The following GPC5 variants were observed in gnomAD, a reference collection of about 807,000 sequenced individuals.
GPC5 encodes the protein glypican 5.
GPC5 carries 47 observed loss-of-function variants against 53.9 expected under a neutral mutation model. That is an observed-to-expected ratio of 0.87 (90% CI 0.69 to 1.11). The LOEUF (loss-of-function observed/expected upper bound fraction) is 1.11. Ranked by LOEUF, GPC5 falls within the 50% of genes most tolerant of loss-of-function variation. The probability of loss-of-function intolerance (pLI) is 0.00; values close to 1 mark genes in which losing one functional copy is unlikely to be tolerated. For missense variants in GPC5, 748 were observed against 713.1 expected, an observed-to-expected ratio of 1.05 and a Z score of -0.56; for synonymous variants, 286 against 263.3, an observed-to-expected ratio of 1.09 and a Z score of -0.84.
chr13:92,817,200 A>G (rs1437049042), intron 7 of GPC5, among the ~76,000 whole-genome samples: 4 of 152,160 alleles, frequency 2.6e-5, no homozygotes, highest in African/African-American at 7.2e-5. Context: ...CTTCCCACAC[A>G]TACACAAACT....
intron 7 of GPC5, among the ~76,000 whole-genome samples, chr13:92,425,650 CCTT>C (rs1399173441): frequency 7.2e-5 from 11 of 152,138 alleles, no homozygotes; most frequent in Admixed American, 6.5e-4. Context: ...CTTTGGGCTT[CCTT>C]CTTTTGGTTA....
At chr13:91,831,241 AG>A (rs1284650396) in intron 5 of GPC5, among the ~76,000 whole-genome samples, 1 of 151,270 alleles carries the variant, frequency 6.6e-6, no homozygotes, top group African/African-American at 2.4e-5. Flanking sequence ...CTGATGTTGG[AG>A]GGCAGGAAGC....
intron 7 of GPC5, among the ~76,000 whole-genome samples, chr13:92,605,816 C>T (rs1884238110): frequency 6.6e-6 from 1 of 150,938 alleles, no homozygotes; most frequent in Non-Finnish European, 1.5e-5. Context: ...AAAAAGTTTG[C>T]CTGGATTTTT....
chr13:92,382,957 C>A (rs1425208596), intron 7 of GPC5, among the ~76,000 whole-genome samples: 2 of 139,864 alleles, frequency 1.4e-5, no homozygotes, highest in African/African-American at 5.4e-5. Context: ...GAGCCGAGAT[C>A]GTGCCACTGC....
intron 6 of GPC5, among the ~76,000 whole-genome samples, chr13:92,108,256 G>GTAA (rs1184101267): frequency 1.3e-5 from 2 of 152,120 alleles, no homozygotes; most frequent in Non-Finnish European, 2.9e-5. Context: ...TGCGTGATGG[G>GTAA]TAATAAAAGG....
chr13:92,500,660 C>G (rs1396399415), intron 7 of GPC5, among the ~76,000 whole-genome samples: 1 of 152,130 alleles, frequency 6.6e-6, no homozygotes, highest in Non-Finnish European at 1.5e-5. Context: ...CTACAGGTAG[C>G]AGTAGTAGCA....
At chr13:92,230,754 G>A (rs758681436) in intron 7 of GPC5, among the ~76,000 whole-genome samples, 8 of 152,152 alleles carry the variant, frequency 5.3e-5, no homozygotes, top group African/African-American at 1.9e-4. Context: ...AGCAGGGCCT[G>A]TTTTAATTAC....
intron 2 of GPC5, among the ~76,000 whole-genome samples, chr13:91,581,261 T>C (rs763692859): frequency 6.6e-5 from 10 of 152,286 alleles, no homozygotes; most frequent in Middle Eastern, 3.4e-3. Context: ...CTGTGTACTC[T>C]AAAAAGTGTA....
At chr13:92,857,423 C>T (rs947529381) in intron 7 of GPC5, among the ~76,000 whole-genome samples, 1 of 152,038 alleles carries the variant, frequency 6.6e-6, no homozygotes, top group African/African-American at 2.4e-5. Context: ...AAATTTATGA[C>T]CAAGTCCTTA....
At chr13:91,408,919 A>G (rs1223373828) in intron 1 of GPC5, among the ~76,000 whole-genome samples, 1 of 152,108 alleles carries the variant, frequency 6.6e-6, no homozygotes, top group Non-Finnish European at 1.5e-5. Flanking sequence ...TTTCTTCAAT[A>G]TTTGCCTTGG....
chr13:92,497,469 G>A (rs1381400132), intron 7 of GPC5, among the ~76,000 whole-genome samples: 2 of 152,110 alleles, frequency 1.3e-5, no homozygotes, highest in African/African-American at 4.8e-5. Flanking sequence ...CTATATGTCT[G>A]TTTTCATACC....
intron 7 of GPC5, among the ~76,000 whole-genome samples, chr13:92,707,358 C>T (rs974128567): frequency 2.6e-5 from 4 of 152,132 alleles, no homozygotes; most frequent in Non-Finnish European, 4.4e-5. Flanking sequence ...TGCACCCTGA[C>T]TGTCCACCTG....
chr13:91,694,655 C>T (rs1017849462), intron 3 of GPC5, among the ~76,000 whole-genome samples: 1 of 152,190 alleles, frequency 6.6e-6, no homozygotes, highest in African/African-American at 2.4e-5. Context: ...GGATAGCATG[C>T]TGATGGTTCT....
At chr13:92,018,551 T>G (rs2040728806) in intron 6 of GPC5, among the ~76,000 whole-genome samples, 1 of 152,102 alleles carries the variant, frequency 6.6e-6, no homozygotes, top group South Asian at 2.1e-4. Flanking sequence ...TATTTTATGC[T>G]TCTAATCATC....
intron 7 of GPC5, among the ~76,000 whole-genome samples, chr13:92,150,758 A>C (rs2041901308): frequency 6.6e-6 from 1 of 152,058 alleles, no homozygotes; most frequent in Admixed American, 6.6e-5. Flanking sequence ...CCTAGCTTGC[A>C]TTTCAGATCA....
intron 6 of GPC5, among the ~76,000 whole-genome samples, chr13:91,955,307 T>C (rs1170707658): frequency 1.3e-5 from 2 of 152,252 alleles, no homozygotes; most frequent in Non-Finnish European, 2.9e-5. Flanking sequence ...GAAGACATTA[T>C]GCTTCTGCAT....
chr13:92,413,774 C>T (rs372465601), intron 7 of GPC5, among the ~76,000 whole-genome samples: 1 of 152,094 alleles, frequency 6.6e-6, no homozygotes, highest in East Asian at 1.9e-4. Flanking sequence ...ATACCAAGGA[C>T]CACGAAGGTT....
At chr13:92,061,973 T>C (rs1386383946) in intron 6 of GPC5, among the ~76,000 whole-genome samples, 1 of 152,016 alleles carries the variant, frequency 6.6e-6, no homozygotes, top group Non-Finnish European at 1.5e-5. Context: ...AGCAATAATT[T>C]ACCACTCTGT....
At chr13:92,514,893 A>G (rs1880712091) in intron 7 of GPC5, among the ~76,000 whole-genome samples, 1 of 152,194 alleles carries the variant, frequency 6.6e-6, no homozygotes, top group South Asian at 2.1e-4. Flanking sequence ...AAAATAGGTT[A>G]TGGCAACCAC....
Sources: allele counts gnomAD v4.1 joint callset (sites outside exome capture counted in the v4.1 genomes callset), GRCh38; gene constraint gnomAD v4.1.1; transcripts MANE v1.5; gene names NCBI Gene and HGNC (gene_info 2026-07-23, HGNC 2026-07-21).